GLIPR1L2: variants seen among roughly 807,000 people sequenced by gnomAD.
GLIPR1L2 encodes the protein GLIPR1-like protein 2.
A neutral mutation model predicts 28.4 loss-of-function variants in GLIPR1L2; 21 were observed. That is an observed-to-expected ratio of 0.74 (90% confidence interval 0.52 to 1.06). GLIPR1L2 has a LOEUF of 1.06. Among genes scored for constraint, GLIPR1L2 ranks in the 50% least tolerant of loss-of-function variants. GLIPR1L2 has a pLI of 0.00. For missense variants in GLIPR1L2, 476 were observed against 416.9 expected, an observed-to-expected ratio of 1.14 and a Z score of -1.23; for synonymous variants, 145 against 139.3, an observed-to-expected ratio of 1.04 and a Z score of -0.29.
At chr12:75,405,566 T>G (rs1447706933) in intron 1 of GLIPR1L2, among the ~76,000 whole-genome samples, 1 of 152,120 alleles carries the variant, frequency 6.6e-6, no homozygotes, top group African/African-American at 2.4e-5. Context: ...AGGCTTCAGA[T>G]GTACCTAATC....
chr12:75,424,612 A>T (rs67128138), intron 4 of GLIPR1L2, among the ~76,000 whole-genome samples: 4,464 of 73,440 alleles, frequency 0.061, 212 homozygotes, highest in African/African-American at 0.14. Context: ...TGCCCAGCTA[A>T]TTTTTTTTTT....
intron 1 of GLIPR1L2, among the ~76,000 whole-genome samples, chr12:75,409,815 A>G (rs1038349933): frequency 1.4e-4 from 21 of 147,560 alleles, no homozygotes; most frequent in Non-Finnish European, 2.5e-4. Context: ...AATCTGATAT[A>G]TATAAGATGT....
intron 1 of GLIPR1L2, among the ~76,000 whole-genome samples, chr12:75,400,447 A>G (rs1030739630): frequency 6.6e-6 from 1 of 152,150 alleles, no homozygotes; most frequent in Admixed American, 6.6e-5. Context: ...CTAACAACAC[A>G]ATATCTCATG....
chr12:75,392,444 A>G (rs770911827), intron 1 of GLIPR1L2, among the ~76,000 whole-genome samples: 37 of 152,110 alleles, frequency 2.4e-4, no homozygotes, highest in Non-Finnish European at 4.7e-4. Flanking sequence ...TTTCTTCGTC[A>G]TTTCCTTTAC....
intron 3 of GLIPR1L2, among the ~76,000 whole-genome samples, chr12:75,419,382 G>A (rs904078490): frequency 2.6e-5 from 4 of 152,062 alleles, no homozygotes; most frequent in South Asian, 4.1e-4. Context: ...GATCCAGAAT[G>A]TAGCTATAAA....
intron 2 of GLIPR1L2, among the ~76,000 whole-genome samples, 197 bp from the exon 3 acceptor site, chr12:75,413,401 G>A (rs1183252923): frequency 6.6e-6 from 1 of 151,546 alleles, no homozygotes; most frequent in East Asian, 1.9e-4. Flanking sequence ...ACCTATTGAA[G>A]TATTTATCTA....
rs374895098 is a variant in GLIPR1L2, at chr12:75,429,279, A to G, written c.671-1436A>G. 1.4e-4 allele frequency among the ~76,000 whole-genome samples: 21 copies of G among 152,296 alleles called. No individual in the cohort carries two copies. In the East Asian group the frequency reaches 2.5e-3, roughly 18 times the overall value. ...GCCCTGGATGTAAGACATGGAGCCAAAGGAGATTATTTTGGAGCTTTAAGA... is the reference window on the plus strand; with the variant it reads ...GCCCTGGATGTAAGACATGGAGCCAGAGGAGATTATTTTGGAGCTTTAAGA... On this transcript the variant is annotated intron_variant, in intron 4 of 5. Transcript: ENST00000550916.
chr12:75,391,155 C>G lies in GLIPR1L2; in HGVS notation c.39C>G (p.Ala13=), dbSNP rs757195299. Reference sequence around the variant, plus strand: ...GGCCCTTCGCCCGGGAGTGGAGGGCCCAGTCCCTACCCCTGGCAGTAGGGG... The same window carrying G: ...GGCCCTTCGCCCGGGAGTGGAGGGCGCAGTCCCTACCCCTGGCAGTAGGGG... The part of the protein sequence containing the change: ...AARPFAREWR[A]QSLPLAVGGV... The change falls in exon 1 of 6, where the codon GCC becomes GCG. Residue 13 remains alanine, a synonymous_variant. Coordinates refer to ENST00000550916, the MANE Select transcript of GLIPR1L2 (RefSeq NM_001270396.2). 1 of 1,614,102 alleles carries G rather than the reference C, an allele frequency of 6.2e-7. No homozygotes were observed. The highest frequency in any genetic ancestry group is 1.1e-5 in the South Asian group (1 of 91,078).
intron 1 of GLIPR1L2, among the ~76,000 whole-genome samples, chr12:75,392,754 A>G (rs973456375): frequency 1.3e-5 from 2 of 152,088 alleles, no homozygotes; most frequent in Non-Finnish European, 2.9e-5. Flanking sequence ...TAGTATTTCA[A>G]ACATAAGGTA....
In GLIPR1L2 at chr12:75,423,561, C is replaced by T. The variant is rs12426060; in HGVS notation, c.670+572C>T. 1,662 of 641,856 alleles carry T rather than the reference C, an allele frequency of 2.6e-3. 135 individuals carry two copies. In the Admixed American group the frequency reaches 0.096, roughly 37 times the overall value. 39.8% of individuals were successfully genotyped at this position (641,856 alleles called of 1,614,324 possible). ...ATAAATTTGGATAATAAGTAAATAG[C>T]ATATTATGTTGTTTTTTAATTATTA... On this transcript the variant is annotated intron_variant, in intron 4 of 5. Coordinates refer to ENST00000550916, the MANE Select transcript of GLIPR1L2 (RefSeq NM_001270396.2).
intron 3 of GLIPR1L2, among the ~76,000 whole-genome samples, chr12:75,414,179 C>G (rs1442061598): frequency 1.3e-5 from 2 of 151,952 alleles, no homozygotes; most frequent in African/African-American, 2.4e-5. Flanking sequence ...GATTGAAAAG[C>G]ACTTCAAACA....
chr12:75,409,766 AG>A (rs2045845041), intron 1 of GLIPR1L2, among the ~76,000 whole-genome samples: 1 of 146,228 alleles, frequency 6.8e-6, no homozygotes, highest in Non-Finnish European at 1.5e-5. Flanking sequence ...GATATATATA[AG>A]ATGTATATCT....
intron 1 of GLIPR1L2, among the ~76,000 whole-genome samples, chr12:75,391,810 T>G (rs1222386956): frequency 1.3e-5 from 2 of 152,202 alleles, no homozygotes; most frequent in Non-Finnish European, 2.9e-5. Flanking sequence ...TTTGAAATTT[T>G]TATTTTTAGC....
At chr12:75,425,958 A>G (rs1210298871) in intron 4 of GLIPR1L2, among the ~76,000 whole-genome samples, 1 of 152,246 alleles carries the variant, frequency 6.6e-6, no homozygotes, top group South Asian at 2.1e-4. Context: ...ATGTGTATAT[A>G]TACACAGATA....
rs2046096771 is a variant in GLIPR1L2 at position 75,431,975 on chromosome 12, A to C, written c.*814A>C. The C allele has an allele frequency of 6.6e-6, 1 of 152,134 alleles. No individual in the cohort carries two copies. The highest frequency in any genetic ancestry group is 2.4e-5 in the African/African-American group (1 of 41,444). The allele number at this position is 152,134 out of a possible 1,614,324, so 9.4% of individuals were successfully genotyped here. On this transcript the variant is annotated 3_prime_UTR_variant, in exon 6 of 6. Transcript: ENST00000550916. ...AATACTAATAAATGAACTAAATAAA[A>C]ATACCTAGCATAGGAGATTTCTTTA...
rs149256789 is a variant in GLIPR1L2 at position 75,407,196 on chromosome 12, T to G, written c.235-3238T>G. Reference sequence around the variant, plus strand: ...GCTATAAATCCCCACTTATCCTTGCTGTGTTTGGAGTTGAGCCTCAAATGT... The same window carrying G: ...GCTATAAATCCCCACTTATCCTTGCGGTGTTTGGAGTTGAGCCTCAAATGT... On this transcript the variant is annotated intron_variant, in intron 1 of 5. Coordinates refer to ENST00000550916, the MANE Select transcript of GLIPR1L2 (RefSeq NM_001270396.2). 2.6e-5 allele frequency among the ~76,000 whole-genome samples: 4 copies of G among 152,240 alleles called. No homozygotes were observed. In the East Asian group the frequency reaches 7.7e-4, roughly 29 times the overall value.
chr12:75,414,696 G>A (rs1335593574), intron 3 of GLIPR1L2, among the ~76,000 whole-genome samples: 3 of 152,028 alleles, frequency 2.0e-5, no homozygotes, highest in Admixed American at 1.3e-4. Context: ...CCTATTACAT[G>A]CAGAAACTTT....
chr12:75,423,537 TA>T (rs2046000699), intron 4 of GLIPR1L2: 2 of 710,488 alleles, frequency 2.8e-6, no homozygotes, highest in Non-Finnish European at 3.5e-6. Context: ...TGGTAGGAGA[TA>T]AATTTGGATA....
At chr12:75,411,941 C>T (rs986890891) in intron 2 of GLIPR1L2, among the ~76,000 whole-genome samples, 1 of 151,814 alleles carries the variant, frequency 6.6e-6, no homozygotes, top group African/African-American at 2.4e-5. Flanking sequence ...TGATTATTCC[C>T]ATCTTTTTCA....
Sources: allele counts gnomAD v4.1 joint callset (sites outside exome capture counted in the v4.1 genomes callset), GRCh38; gene constraint gnomAD v4.1.1; transcripts MANE v1.5; gene names NCBI Gene and HGNC (gene_info 2026-07-23, HGNC 2026-07-21).